HPGD: variants seen among roughly 807,000 people sequenced by gnomAD.
HPGD encodes 15-hydroxyprostaglandin dehydrogenase [NAD(+)].
A neutral mutation model predicts 30.0 loss-of-function variants in HPGD; 29 were observed. The observed-to-expected ratio is 0.97, with a 90% CI of 0.72 to 1.32. The LOEUF (loss-of-function observed/expected upper bound fraction) is 1.32, where lower values mean the gene tolerates loss of function less well. HPGD is among the 40% of genes most tolerant of loss of function. The pLI, the probability that HPGD is intolerant of heterozygous loss-of-function variation, is 0.00. For missense variants in HPGD, 340 were observed against 322.1 expected (o/e 1.06, Z -0.43); for synonymous variants, 99 against 112.4 (o/e 0.88, Z 0.75).
chr4:174,522,500 G>A (rs763367344), upstream of HPGD: 5 of 1,443,490 alleles, frequency 3.5e-6, 1 homozygote, highest in South Asian at 6.6e-5. Context: ...GCGTCTCCGC[G>A]CGGCCGCGGC....
intron 4 of HPGD, among the ~76,000 whole-genome samples, chr4:174,504,912 T>C (rs1735111943): frequency 6.6e-6 from 1 of 152,236 alleles, no homozygotes; most frequent in Admixed American, 6.5e-5. Context: ...ATTATCTGCA[T>C]TAAACCAGAC....
intron 4 of HPGD, among the ~76,000 whole-genome samples, chr4:174,505,012 A>C (rs965594138): frequency 3.3e-5 from 5 of 152,204 alleles, no homozygotes; most frequent in Admixed American, 1.3e-4. Context: ...TATGTTTATA[A>C]ATAAAAACTC....
In HPGD at chr4:174,492,391, A is replaced by T. The variant is rs1734383115; in HGVS notation, c.663-297T>A. Among the ~76,000 whole-genome samples the T allele has an allele frequency of 6.6e-6, 1 of 151,990 alleles. No homozygotes were observed. Among genetic ancestry groups the T allele is most frequent in the Non-Finnish European group, 1.5e-5 (1 of 67,884 alleles). On this transcript the variant is annotated intron_variant, in intron 6 of 6. Transcript: ENST00000296522. This position sits in a 1 kb window ranked among gnomAD's most constrained non-coding sequence, Gnocchi z 4.9. ...GGAGGAATTTATACTCATTATTTTC[A>T]CTGAGCAAATGATCATTTTCTCATC...
chr4:174,510,684 T>C (rs1003386359), intron 3 of HPGD, among the ~76,000 whole-genome samples: 2 of 152,214 alleles, frequency 1.3e-5, no homozygotes, highest in Admixed American at 1.3e-4. Context: ...ATTTTTCAAA[T>C]GAAAGAGTTC....
At chr4:174,519,597 C>G (rs533871183) in intron 2 of HPGD, among the ~76,000 whole-genome samples, 47 of 152,252 alleles carry the variant, frequency 3.1e-4, no homozygotes, top group Admixed American at 2.7e-3. Context: ...GTGAAAATGG[C>G]CGGTCCTTGC....
chr4:174,506,118 G>A (rs554050273), intron 4 of HPGD, among the ~76,000 whole-genome samples: 34 of 152,258 alleles, frequency 2.2e-4, no homozygotes, highest in African/African-American at 8.2e-4. Context: ...GGCGGTGAGC[G>A]GGATGACAAA....
rs886646687 is a variant in HPGD at position 174,494,716 on chromosome 4, A to G, written c.498+832T>C. Among the ~76,000 whole-genome samples the G allele has an allele frequency of 6.6e-6, 1 of 152,174 alleles. No individual in the cohort carries two copies. The highest frequency in any genetic ancestry group is 1.5e-5 in the Non-Finnish European group (1 of 68,032). On this transcript the variant is annotated intron_variant, in intron 5 of 6. Transcript: ENST00000296522. This position sits in a 1 kb window ranked among gnomAD's most constrained non-coding sequence, Gnocchi z 4.9. Reference sequence around the variant, plus strand: ...TAGCTGCTCTCTTTGTCTCACCTAGATGAACCACCCAGAGACCCCCTACAA... The same window carrying G: ...TAGCTGCTCTCTTTGTCTCACCTAGGTGAACCACCCAGAGACCCCCTACAA...
Position 174,522,367 on chromosome 4 carries a change from C to G in HPGD, c.85G>C (p.Gly29Arg). The change falls in exon 1 of 7, where the codon GGC (glycine) becomes CGC (arginine). Residue 29 changes from glycine to arginine, a missense_variant. By Grantham distance (125) the Gly-to-Arg change is moderately radical. Transcript: ENST00000296522. ...CTGGGCGCCGGGCTTACCTTGGCGC[C>G]CTTAAGCAGCAGCGCCTCTGCAAAG... ...RAFAEALLLK[G>R]AKVALVDWNL... is the part of the protein sequence containing the mutation. The G allele has an allele frequency of 6.4e-7, 1 of 1,565,536 alleles. No homozygotes were observed. Among genetic ancestry groups the G allele is most frequent in the Non-Finnish European group, 8.7e-7 (1 of 1,155,258 alleles).
At chr4:174,500,975 A>C (rs1307094797) in intron 4 of HPGD, among the ~76,000 whole-genome samples, 1 of 152,218 alleles carries the variant, frequency 6.6e-6, no homozygotes, top group Admixed American at 6.5e-5. Flanking sequence ...CAAATCTGGT[A>C]TAGTGTCCTA....
intron 4 of HPGD, among the ~76,000 whole-genome samples, chr4:174,500,813 T>C (rs551961587): frequency 6.6e-6 from 1 of 152,302 alleles, no homozygotes; most frequent in South Asian, 2.1e-4. Flanking sequence ...TAGTGGTAGA[T>C]ATATGTTATT....
intron 2 of HPGD, among the ~76,000 whole-genome samples, chr4:174,520,177 C>T (rs940002649): frequency 2.0e-5 from 3 of 152,034 alleles, no homozygotes; most frequent in Non-Finnish European, 2.9e-5. Flanking sequence ...TGTTCTCCAC[C>T]GTATTCCTTA....
At chr4:174,505,154 T>C (rs571457090) in intron 4 of HPGD, among the ~76,000 whole-genome samples, 1 of 152,192 alleles carries the variant, frequency 6.6e-6, no homozygotes, top group African/African-American at 2.4e-5. Flanking sequence ...AACCTATTAA[T>C]TGCATTTGAT....
At chr4:174,493,336 G>A (rs925774857) in intron 5 of HPGD, 22 bp from the exon 6 acceptor site, 1 of 1,610,882 alleles carries the variant, frequency 6.2e-7, no homozygotes, top group Non-Finnish European at 8.5e-7. Context: ...AAGGTTGTAG[G>A]TTTCAGCAGT....
intron 4 of HPGD, among the ~76,000 whole-genome samples, chr4:174,505,417 G>A (rs925000055): frequency 6.6e-6 from 1 of 152,158 alleles, no homozygotes; most frequent in African/African-American, 2.4e-5. Flanking sequence ...GCAAATATTA[G>A]AAGTACTCTG....
rs17060589 is a variant in HPGD at position 174,517,905 on chromosome 4, T to C, written c.324+66A>G. On this transcript the variant is annotated intron_variant, in intron 3 of 6. Transcript: ENST00000296522. ...TTTGTTTCCATGACTCCAAGAACCT[T>C]TTTTTCTTTACAAACATCATGTTAT... The C allele has an allele frequency of 8.7e-3, 7,713 of 890,176 alleles. 272 individuals carry two copies. The African/African-American group carries it at 0.087, about 10-fold the overall frequency. 55.1% of individuals were successfully genotyped at this position (890,176 alleles called of 1,614,324 possible).
In HPGD at chr4:174,522,427, G is replaced by T; in HGVS notation, c.25C>A (p.Leu9Met). The change falls in exon 1 of 7, where the codon CTG (leucine) becomes ATG (methionine). Residue 9 changes from leucine to methionine, a missense_variant. Transcript: ENST00000296522. Reference sequence around the variant, plus strand: ...ATGCCCTGAGCCGCGCCGGTCACCAGCGCCACTTTGCCGTTCACGTGCATG... The same window carrying T: ...ATGCCCTGAGCCGCGCCGGTCACCATCGCCACTTTGCCGTTCACGTGCATG... MHVNGKVA[L>M]VTGAAQGIGR... 1 of 1,582,954 alleles carries T rather than the reference G, an allele frequency of 6.3e-7. No individual in the cohort carries two copies. The highest frequency in any genetic ancestry group is 2.3e-5 in the East Asian group (1 of 43,446).
chr4:174,522,519 C>A, upstream of HPGD: 1 of 1,260,248 alleles, frequency 7.9e-7, no homozygotes, highest in South Asian at 1.6e-5. Context: ...GCTTTTATGC[C>A]CCCCTGCGCG....
chr4:174,519,987 A>G (rs1227434871), intron 2 of HPGD, among the ~76,000 whole-genome samples: 4 of 152,024 alleles, frequency 2.6e-5, no homozygotes. Context: ...GGAATCTTAA[A>G]AATGTTTCTT....
Position 174,491,608 on chromosome 4 carries a change from G to A in HPGD, c.*348C>T, listed in dbSNP as rs1734347345. 4.8e-6 allele frequency: 1 copy of A among 209,448 alleles called. No homozygotes were observed. Among genetic ancestry groups the A allele is most frequent in the Non-Finnish European group, 9.8e-6 (1 of 102,482 alleles). 13.0% of individuals were successfully genotyped at this position (209,448 alleles called of 1,614,324 possible). A position where few individuals can be genotyped will look rare whatever the true frequency, so the allele number is the denominator to read the frequency against. On this transcript the variant is annotated 3_prime_UTR_variant, in exon 7 of 7. Coordinates refer to ENST00000296522, the MANE Select transcript of HPGD (RefSeq NM_000860.6). The stretch of plus-strand genomic sequence containing the variant: ...TGGTTTGATTTAAATAACAATTCAA[G>A]TATCTCCTTTAAAATGATGTTCTGA...
Sources: gnomAD v4.1 joint callset for allele counts (sites outside exome capture counted in the v4.1 genomes callset) on GRCh38, gnomAD v4.1.1 for gene constraint, Gnocchi (gnomAD v3.1) non-coding constraint, MANE v1.5 for transcripts, NCBI Gene and HGNC (gene_info 2026-07-23, HGNC 2026-07-21) for gene names.